Variants in RBFOX1 observed in about 807,000 individuals in gnomAD.
RBFOX1 encodes RNA binding fox-1 homolog 1, also known as RNA binding protein fox-1 homolog 1.
Under a neutral mutation model 57.7 loss-of-function variants are expected in RBFOX1, and 8 were observed. The ratio of observed to expected loss-of-function variants is 0.14; its 90% CI spans 0.08 to 0.25. RBFOX1 has a LOEUF of 0.25. Among genes scored for constraint, RBFOX1 ranks in the 10% least tolerant of loss-of-function variants. The pLI is 1.00. For missense variants in RBFOX1, 611 were observed against 548.5 expected (o/e 1.11, Z -1.14); for synonymous variants, 326 against 222.4 (o/e 1.47, Z -4.15).
intron 1 of RBFOX1, among the ~76,000 whole-genome samples, chr16:5,284,132 C>A (rs533762656): frequency 6.6e-5 from 10 of 152,112 alleles, no homozygotes; most frequent in African/African-American, 2.4e-4. Flanking sequence ...TGCCTGCTGC[C>A]ATCCATGTGA....
intron 4 of RBFOX1, among the ~76,000 whole-genome samples, chr16:6,012,678 T>C (rs1482290590): frequency 2.0e-5 from 3 of 152,198 alleles, no homozygotes; most frequent in African/African-American, 7.2e-5. Context: ...AGTATGGTAG[T>C]TTTGGAAGCC....
intron 4 of RBFOX1, among the ~76,000 whole-genome samples, chr16:7,421,920 T>C (rs936824645): frequency 5.6e-4 from 86 of 152,348 alleles, no homozygotes; most frequent in Non-Finnish European, 1.0e-4. Flanking sequence ...GTAGGAAGTG[T>C]ACACACATTA....
At chr16:7,026,279 C>T (rs778341019) in intron 3 of RBFOX1, among the ~76,000 whole-genome samples, 10 of 152,102 alleles carry the variant, frequency 6.6e-5, no homozygotes, top group South Asian at 6.2e-4. Context: ...GACTTGGAGG[C>T]GTGGAGATTG....
chr16:6,185,882 C>G (rs2052231), intron 1 of RBFOX1, among the ~76,000 whole-genome samples: 20,874 of 152,082 alleles, frequency 0.14, 1,733 homozygotes, highest in East Asian at 0.34. Context: ...AGAAGGAAGA[C>G]AGGAACCTTT....
At chr16:7,186,482 A>G (rs1314003882) in intron 4 of RBFOX1, among the ~76,000 whole-genome samples, 4 of 130,908 alleles carry the variant, frequency 3.1e-5, no homozygotes, top group Non-Finnish European at 6.2e-5. Context: ...AAATATAAGC[A>G]TAAACATATT....
chr16:5,289,086 C>T (rs953648092), intron 1 of RBFOX1: 2 of 165,698 alleles, frequency 1.2e-5, no homozygotes, highest in South Asian at 1.9e-4. Context: ...GATCGTGCCA[C>T]TGCCCTCCAG....
chr16:7,343,008 C>T (rs917543371), intron 4 of RBFOX1, among the ~76,000 whole-genome samples: 1 of 152,096 alleles, frequency 6.6e-6, no homozygotes, highest in Non-Finnish European at 1.5e-5. Context: ...GGAACTGGAG[C>T]TGGGTTGCAG....
chr16:7,473,575 G>C (rs2062004811), intron 4 of RBFOX1, among the ~76,000 whole-genome samples: 1 of 151,202 alleles, frequency 6.6e-6, no homozygotes, highest in South Asian at 2.1e-4. Context: ...CAGTTTGCTT[G>C]TTTTCCTCTT....
chr16:6,431,894 TTGCTTTC>T (rs1245603507), intron 2 of RBFOX1, among the ~76,000 whole-genome samples: 37 of 109,736 alleles, frequency 3.4e-4, no homozygotes, highest in African/African-American at 1.3e-3. Context: ...GCTTGCTTGC[TTGCTTTC>T]TTTCTTTCTT....
intron 4 of RBFOX1, among the ~76,000 whole-genome samples, chr16:7,314,398 A>G (rs955845174): frequency 1.1e-4 from 17 of 152,202 alleles, no homozygotes; most frequent in African/African-American, 4.1e-4. Flanking sequence ...AGACTGCTTC[A>G]TAAATCAAAA....
intron 3 of RBFOX1, among the ~76,000 whole-genome samples, chr16:6,726,588 G>A (rs1228661691): frequency 1.3e-5 from 2 of 152,048 alleles, no homozygotes; most frequent in Non-Finnish European, 2.9e-5. Flanking sequence ...AATGTACATA[G>A]CTGCTTTCCT....
At chr16:7,505,242 C>CAAAAA (rs34767987) in intron 4 of RBFOX1, among the ~76,000 whole-genome samples, 1 of 114,076 alleles carries the variant, frequency 8.8e-6, no homozygotes, top group Non-Finnish European at 1.9e-5. Flanking sequence ...AGTGATGGAC[C>CAAAAA]AAAAAAAAAA....
chr16:7,238,445 A>G (rs2093886459), intron 4 of RBFOX1, among the ~76,000 whole-genome samples: 1 of 152,160 alleles, frequency 6.6e-6, no homozygotes, highest in Non-Finnish European at 1.5e-5. Context: ...TTGCTTCCAC[A>G]GAGCCTTTGC....
At chr16:7,615,224 T>C (rs1382712628) in intron 10 of RBFOX1, among the ~76,000 whole-genome samples, 1 of 151,994 alleles carries the variant, frequency 6.6e-6, no homozygotes, top group East Asian at 1.9e-4. Context: ...TCCCAGCTAC[T>C]GGGGAGGCTG....
At chr16:6,296,842 A>G (rs2078175197) in intron 1 of RBFOX1, among the ~76,000 whole-genome samples, 1 of 152,186 alleles carries the variant, frequency 6.6e-6, no homozygotes, top group South Asian at 2.1e-4. Flanking sequence ...ACAGACCCCA[A>G]GAGAGGGTTC....
chr16:6,681,720 T>C (rs1347327129), intron 3 of RBFOX1, among the ~76,000 whole-genome samples: 1 of 151,884 alleles, frequency 6.6e-6, no homozygotes, highest in Non-Finnish European at 1.5e-5. Context: ...TTCAAACTTA[T>C]CTGACGATAT....
chr16:6,434,274 A>T (rs533307220), intron 2 of RBFOX1, among the ~76,000 whole-genome samples: 148 of 152,246 alleles, frequency 9.7e-4, no homozygotes, highest in African/African-American at 3.4e-3. Flanking sequence ...ACACATTCAG[A>T]GGTTCTGGAG....
intron 2 of RBFOX1, among the ~76,000 whole-genome samples, chr16:5,541,434 A>G (rs1167530326): frequency 1.3e-5 from 2 of 152,112 alleles, no homozygotes; most frequent in East Asian, 1.9e-4. Flanking sequence ...GACATGGGAC[A>G]TTAATGAATA....
At chr16:5,302,571 C>A (rs1773033805) in intron 1 of RBFOX1, among the ~76,000 whole-genome samples, 1 of 152,140 alleles carries the variant, frequency 6.6e-6, no homozygotes, top group Admixed American at 6.5e-5. Context: ...ATTTGTCTTT[C>A]AATTATTGCA....
Sources: allele counts gnomAD v4.1 joint callset (sites outside exome capture counted in the v4.1 genomes callset), GRCh38; gene constraint gnomAD v4.1.1; transcripts MANE v1.5; gene names NCBI Gene and HGNC (gene_info 2026-07-23, HGNC 2026-07-21).